ACTN4: variants seen among roughly 807,000 people sequenced by gnomAD.
ACTN4 encodes actinin alpha 4.
In ACTN4, 18 loss-of-function variants were observed where a neutral mutation model predicts 114.2. The ratio of observed to expected loss-of-function variants is 0.16; its 90% CI spans 0.11 to 0.23. ACTN4 has a LOEUF of 0.23. Ranked by LOEUF, ACTN4 falls within the 10% of genes least tolerant of loss-of-function variation. The pLI is 1.00. For missense variants in ACTN4, 722 were observed against 1,262.9 expected, an observed-to-expected ratio of 0.57 and a Z score of 6.49; for synonymous variants, 515 against 506.3, an observed-to-expected ratio of 1.02 and a Z score of -0.23.
rs1029240350 is a variant in ACTN4, at chr19:38,687,227, C to T, written c.163-13373C>T. Among the ~76,000 whole-genome samples the T allele has an allele frequency of 4.6e-5, 6 of 130,140 alleles. No individual in the cohort carries two copies. In the South Asian group the frequency reaches 1.3e-3, roughly 27 times the overall value. 85.4% of individuals were successfully genotyped at this position (130,140 alleles called of 152,430 possible). ...CCTCAAATGATCCACCTGCCTCAGCCCCCCCAAAGTGCTGGGATTACAGGC... is the reference window on the plus strand; with the variant it reads ...CCTCAAATGATCCACCTGCCTCAGCTCCCCCAAAGTGCTGGGATTACAGGC... On this transcript the variant is annotated intron_variant, in intron 1 of 20. Transcript: ENST00000252699.
intron 1 of ACTN4, among the ~76,000 whole-genome samples, chr19:38,671,740 C>T (rs1967134876): frequency 6.6e-6 from 1 of 152,162 alleles, no homozygotes; most frequent in African/African-American, 2.4e-5. Flanking sequence ...GAGTACTAGC[C>T]CCACAGTCCT....
At chr19:38,725,695 C>T (rs368202421) in intron 16 of ACTN4, 29 bp from the exon 17 acceptor site, 11 of 1,609,474 alleles carry the variant, frequency 6.8e-6, no homozygotes, top group East Asian at 6.7e-5. Flanking sequence ...CCACCAGCCT[C>T]ACCCCACCGC....
chr19:38,651,746 G>GT (rs977283823), intron 1 of ACTN4, among the ~76,000 whole-genome samples: 259 of 151,106 alleles, frequency 1.7e-3, no homozygotes, highest in African/African-American at 2.6e-3. Flanking sequence ...GTTTTGTTTT[G>GT]TTTTTTTTGA....
chr19:38,662,557 G>A (rs532053568), intron 1 of ACTN4, among the ~76,000 whole-genome samples: 10 of 152,282 alleles, frequency 6.6e-5, no homozygotes, highest in African/African-American at 2.4e-4. Flanking sequence ...TGTATAGGAG[G>A]GGAGATAAGT....
chr19:38,669,946 A>G (rs1967078945), intron 1 of ACTN4, among the ~76,000 whole-genome samples: 1 of 152,190 alleles, frequency 6.6e-6, no homozygotes, highest in South Asian at 2.1e-4. Flanking sequence ...TCAGTCTTCA[A>G]TGTATGGAAA....
At chr19:38,659,616 T>C (rs1168668241) in intron 1 of ACTN4, among the ~76,000 whole-genome samples, 1 of 152,218 alleles carries the variant, frequency 6.6e-6, no homozygotes, top group Admixed American at 6.5e-5. Flanking sequence ...GAGAAAGTTT[T>C]GGGCCTCTTT....
chr19:38,703,548 G>A (rs1968354996), intron 3 of ACTN4, among the ~76,000 whole-genome samples: 1 of 152,124 alleles, frequency 6.6e-6, no homozygotes, highest in South Asian at 2.1e-4. Context: ...GGCCGCAAAT[G>A]TTTGTTTTTA....
At chr19:38,701,454 C>T (rs1968274202) in intron 3 of ACTN4, among the ~76,000 whole-genome samples, 1 of 152,216 alleles carries the variant, frequency 6.6e-6, no homozygotes, top group Non-Finnish European at 1.5e-5. Flanking sequence ...GTGCCAGGCT[C>T]AGCAGACAGT....
chr19:38,728,109 C>A, intron 19 of ACTN4, 83 bp downstream of exon 19: 2 of 1,481,318 alleles, frequency 1.4e-6, no homozygotes, highest in Non-Finnish European at 1.8e-6. Context: ...CCTCGCCATC[C>A]CACCCCTGCC....
intron 12 of ACTN4, among the ~76,000 whole-genome samples, chr19:38,722,556 C>T (rs1376928459): frequency 6.6e-6 from 1 of 152,222 alleles, no homozygotes; most frequent in Non-Finnish European, 1.5e-5. Flanking sequence ...CACTACTGTC[C>T]GGGTGCTTTG....
intron 1 of ACTN4, among the ~76,000 whole-genome samples, chr19:38,675,031 G>A (rs777237878): frequency 1.2e-3 from 176 of 152,348 alleles, no homozygotes; most frequent in Admixed American, 3.8e-3. Flanking sequence ...TGGAGTTGGA[G>A]AGTTGAATTA....
chr19:38,700,048 G>A (rs1968218395), intron 1 of ACTN4, among the ~76,000 whole-genome samples: 1 of 152,308 alleles, frequency 6.6e-6, no homozygotes, highest in Non-Finnish European at 1.5e-5. Context: ...CTGAGCTCCT[G>A]CCTGAGGAGA....
intron 1 of ACTN4, among the ~76,000 whole-genome samples, chr19:38,662,942 CTTG>C (rs373081348): frequency 1.0e-3 from 155 of 150,510 alleles, no homozygotes; most frequent in African/African-American, 3.6e-3. Flanking sequence ...GAGTTTCCCT[CTTG>C]TTGTTCAGGA....
At position 38,717,594 on chromosome 19, in the gene ACTN4, G is replaced by A. The variant is rs768671251; in HGVS notation, c.1143+278G>A. Among the ~76,000 whole-genome samples the A allele has an allele frequency of 4.6e-5, 7 of 152,172 alleles. No individual in the cohort carries two copies. The highest frequency in any genetic ancestry group is 7.2e-5 in the African/African-American group (3 of 41,444). On this transcript the variant is annotated intron_variant, in intron 10 of 20. Coordinates refer to ENST00000252699, the MANE Select transcript of ACTN4 (RefSeq NM_004924.6). The surrounding 1 kb of genome is among the most constrained non-coding windows in gnomAD (Gnocchi z 4.0). The stretch of plus-strand genomic sequence containing the variant: ...TGTGGAGTGGTGTGAATTTGGAGCC[G>A]TGGTCTGCCATGATGGCATGACCGC...
chr19:38,658,639 C>G (rs1976780785), intron 1 of ACTN4, among the ~76,000 whole-genome samples: 1 of 152,178 alleles, frequency 6.6e-6, no homozygotes, highest in African/African-American at 2.4e-5. Flanking sequence ...TCTTCCAGTT[C>G]TGGCCTATGA....
chr19:38,655,069 G>A (rs1014016360), intron 1 of ACTN4, among the ~76,000 whole-genome samples: 4 of 151,946 alleles, frequency 2.6e-5, no homozygotes, highest in Non-Finnish European at 5.9e-5. Context: ...CCCTTCCTTC[G>A]TAAACTGCAG....
intron 1 of ACTN4, among the ~76,000 whole-genome samples, chr19:38,661,350 T>G (rs962775147): frequency 6.6e-6 from 1 of 152,222 alleles, no homozygotes; most frequent in Admixed American, 6.5e-5. Context: ...TGTGATGATT[T>G]CGGCAGTCGG....
chr19:38,720,104 T>C (rs955030860), intron 11 of ACTN4, among the ~76,000 whole-genome samples: 2 of 152,196 alleles, frequency 1.3e-5, no homozygotes, highest in African/African-American at 4.8e-5. Flanking sequence ...AGGCAGGCCC[T>C]CCACACCCCA....
At chr19:38,673,934 A>G (rs927500711) in intron 1 of ACTN4, among the ~76,000 whole-genome samples, 13 of 150,110 alleles carry the variant, frequency 8.7e-5, no homozygotes, top group Non-Finnish European at 1.6e-4. Context: ...GGTGCCTGCC[A>G]CCACGTCCGG....
Sources: allele counts gnomAD v4.1 joint callset (sites outside exome capture counted in the v4.1 genomes callset), GRCh38; gene constraint gnomAD v4.1.1; non-coding constraint Gnocchi (gnomAD v3.1); transcripts MANE v1.5; gene names NCBI Gene and HGNC (gene_info 2026-07-23, HGNC 2026-07-21).